Variants in ZNF536 observed in about 807,000 individuals in gnomAD.
The protein encoded by ZNF536 is zinc finger protein 536.
ZNF536 carries 13 observed loss-of-function variants against 84.5 expected under a neutral mutation model. That is an observed-to-expected ratio of 0.15 (90% CI 0.10 to 0.24). The LOEUF is 0.24. Ranked by LOEUF, ZNF536 falls within the 10% of genes least tolerant of loss-of-function variation. The pLI is 1.00. For synonymous variants in ZNF536, 811 were observed against 742.5 expected (o/e 1.09, Z -1.50); for missense variants, 1,536 against 1,747.5 (o/e 0.88, Z 2.16).
At chr19:30,669,499 A>C (rs2050461293) in intron 1 of ZNF536, among the ~76,000 whole-genome samples, 1 of 152,170 alleles carries the variant, frequency 6.6e-6, no homozygotes, top group Non-Finnish European at 1.5e-5. Context: ...AGAGTAGGGG[A>C]CTGCCAGGCC....
chr19:30,667,682 A>G (rs1307655803), intron 1 of ZNF536, among the ~76,000 whole-genome samples: 2 of 136,740 alleles, frequency 1.5e-5, no homozygotes, highest in Non-Finnish European at 3.0e-5. Flanking sequence ...TCAGATTCCC[A>G]GAGTAAATGA....
intron 1 of ZNF536, among the ~76,000 whole-genome samples, chr19:30,574,858 TA>T (rs978381150): frequency 6.6e-6 from 1 of 152,254 alleles, no homozygotes; most frequent in African/African-American, 2.4e-5. Context: ...TGACTTCTGC[TA>T]AATCCTATTC....
chr19:30,342,585 A>G (rs902470434), intron 2 of ZNF536, among the ~76,000 whole-genome samples: 2 of 152,246 alleles, frequency 1.3e-5, no homozygotes, highest in African/African-American at 4.8e-5. Context: ...TATGAAGCTA[A>G]CAGTAAAACC....
chr19:30,702,461 T>C lies in ZNF536; in HGVS notation c.170-8296T>C, dbSNP rs746608171. Among the ~76,000 whole-genome samples the C allele has an allele frequency of 2.6e-5, 4 of 152,144 alleles. No individual in the cohort carries two copies. The East Asian group carries it at 5.8e-4, about 22-fold the overall frequency. ...GAGGGGAATGAGGTGGGGCGGGCAG[T>C]TGGGGGGGCCCCCATCTGGCCACAC... On this transcript the variant is annotated intron_variant, in intron 1 of 1. Transcript: ENST00000592773.
At chr19:30,618,578 GTCTT>G (rs1225197946) in intron 1 of ZNF536, among the ~76,000 whole-genome samples, 1 of 151,900 alleles carries the variant, frequency 6.6e-6, no homozygotes, top group African/African-American at 2.4e-5. Context: ...TCTTTCTTTT[GTCTT>G]TCTTTTGTTT....
intron 4 of ZNF536, 135 bp from the exon 5 acceptor site, chr19:30,557,022 C>G (rs1379568221): frequency 1.9e-6 from 2 of 1,043,536 alleles, no homozygotes; most frequent in African/African-American, 3.2e-5. Flanking sequence ...GACAGAAGGA[C>G]CAAATTTTAT....
At chr19:30,628,664 C>T (rs1316291595) in intron 1 of ZNF536, among the ~76,000 whole-genome samples, 3 of 151,958 alleles carry the variant, frequency 2.0e-5, no homozygotes, top group South Asian at 2.1e-4. Context: ...CTCCTGACCT[C>T]GTGATCCACC....
chr19:30,674,316 A>T (rs961045729), intron 1 of ZNF536, among the ~76,000 whole-genome samples: 6 of 152,228 alleles, frequency 3.9e-5, no homozygotes, highest in African/African-American at 1.4e-4. Flanking sequence ...CCCTGTGCCC[A>T]GGCTGCCCGG....
intron 2 of ZNF536, among the ~76,000 whole-genome samples, chr19:30,310,465 C>A (rs2046464521): frequency 6.6e-6 from 1 of 152,220 alleles, no homozygotes; most frequent in Non-Finnish European, 1.5e-5. Context: ...CGGTTTCATG[C>A]AGACATGCAG....
intron 1 of ZNF536, among the ~76,000 whole-genome samples, chr19:30,282,647 G>GAAA (rs1238869701): frequency 2.6e-5 from 4 of 152,154 alleles, no homozygotes; most frequent in Non-Finnish European, 5.9e-5. Flanking sequence ...GTAGAGCAAA[G>GAAA]CAAATAAGTG....
chr19:30,393,854 A>C (rs2049700627), intron 1 of ZNF536, among the ~76,000 whole-genome samples: 1 of 152,188 alleles, frequency 6.6e-6, no homozygotes, highest in South Asian at 2.1e-4. Context: ...TAAAGCCATC[A>C]TGTAATGTGA....
intron 1 of ZNF536, among the ~76,000 whole-genome samples, chr19:30,623,204 C>T (rs4600575): frequency 2.6e-5 from 4 of 152,034 alleles, no homozygotes; most frequent in African/African-American, 9.7e-5. Flanking sequence ...AAAGAATAGC[C>T]TTTGCCATCT....
chr19:30,549,526 A>C lies in ZNF536; in HGVS notation c.3895+12A>C, dbSNP rs1239381009. 6.6e-7 allele frequency: 1 copy of C among 1,504,150 alleles called. No homozygotes were observed. The highest frequency in any genetic ancestry group is 2.3e-5 in the East Asian group (1 of 43,696). The allele number at this position is 1,504,150 out of a possible 1,614,324, so 93.2% of individuals were successfully genotyped here. A position where few individuals can be genotyped will look rare whatever the true frequency, so the allele number is the denominator to read the frequency against. ...GCCAGACTTGTGTGGTAAGTTTTAG[A>C]ATCCTCTTCCTATAGTTCATTTCCC... On this transcript the variant is annotated intron_variant, in intron 4 of 4. Coordinates refer to ENST00000355537, the MANE Select transcript of ZNF536 (RefSeq NM_014717.3).
intron 2 of ZNF536, among the ~76,000 whole-genome samples, chr19:30,477,741 T>A (rs182316754): frequency 1.1e-3 from 165 of 152,326 alleles, no homozygotes; most frequent in African/African-American, 3.7e-3. Context: ...TGGCAAACTC[T>A]TGAGCTTATC....
chr19:30,527,310 G>A (rs1045391452), intron 2 of ZNF536, among the ~76,000 whole-genome samples: 2 of 137,752 alleles, frequency 1.5e-5, no homozygotes, highest in Non-Finnish European at 3.0e-5. Flanking sequence ...CTTGCCACCA[G>A]CAAATGGAAC....
chr19:30,338,045 G>A (rs2047438736), intron 2 of ZNF536, among the ~76,000 whole-genome samples: 1 of 151,584 alleles, frequency 6.6e-6, no homozygotes, highest in Non-Finnish European at 1.5e-5. Flanking sequence ...CAGTGGTGAT[G>A]ATGGTGGTGA....
At chr19:30,384,148 C>G (rs1433303679) in intron 1 of ZNF536, among the ~76,000 whole-genome samples, 1 of 83,184 alleles carries the variant, frequency 1.2e-5, no homozygotes, top group African/African-American at 5.1e-5. Flanking sequence ...TTCTTTCTTT[C>G]TTTCTTTCTT....
intron 1 of ZNF536, among the ~76,000 whole-genome samples, chr19:30,382,157 C>T (rs1414019419): frequency 6.6e-6 from 1 of 152,204 alleles, no homozygotes; most frequent in Admixed American, 6.5e-5. Context: ...TGCAAAGAGA[C>T]AGCTCTGCAT....
chr19:30,619,757 C>T (rs1275751700), intron 1 of ZNF536, among the ~76,000 whole-genome samples: 1 of 152,224 alleles, frequency 6.6e-6, no homozygotes, highest in East Asian at 1.9e-4. Flanking sequence ...TGCAGGAAAG[C>T]AAGCTCTGTG....
Sources: gnomAD v4.1 joint callset for allele counts (sites outside exome capture counted in the v4.1 genomes callset) on GRCh38, gnomAD v4.1.1 for gene constraint, MANE v1.5 for transcripts, NCBI Gene and HGNC (gene_info 2026-07-23, HGNC 2026-07-21) for gene names.